Variants in AFF3 observed in about 807,000 individuals in gnomAD.
AFF3 encodes the protein AF4/FMR2 family member 3.
A neutral mutation model predicts 129.7 loss-of-function variants in AFF3; 32 were observed. The observed-to-expected ratio is 0.25, with a 90% CI of 0.19 to 0.33. The LOEUF is 0.33. AFF3 is among the 10% of genes least tolerant of loss of function. AFF3 has a pLI of 1.00. For missense variants in AFF3, 1,373 were observed against 1,592.0 expected, an observed-to-expected ratio of 0.86 and a Z score of 2.34; for synonymous variants, 644 against 635.4, an observed-to-expected ratio of 1.01 and a Z score of -0.20.
chr2:99,979,710 T>C (rs1217602595), intron 7 of AFF3, among the ~76,000 whole-genome samples: 1 of 152,136 alleles, frequency 6.6e-6, no homozygotes, highest in East Asian at 1.9e-4. Context: ...CTCAAACTCC[T>C]GGCCTCAAGC....
At chr2:100,038,052 A>ACC (rs1267491202) in intron 4 of AFF3, among the ~76,000 whole-genome samples, 7 of 151,912 alleles carry the variant, frequency 4.6e-5, no homozygotes, top group Admixed American at 2.0e-4. Context: ...TCAAATTAGA[A>ACC]AACTCTAGGC....
intron 7 of AFF3, among the ~76,000 whole-genome samples, chr2:99,955,267 C>A (rs1275947786): frequency 1.3e-5 from 2 of 152,146 alleles, no homozygotes; most frequent in African/African-American, 4.8e-5. Flanking sequence ...CAAAGCACAG[C>A]ACTCCTATTA....
intron 7 of AFF3, among the ~76,000 whole-genome samples, chr2:99,874,689 A>T (rs1192612040): frequency 6.6e-6 from 1 of 152,190 alleles, no homozygotes; most frequent in Non-Finnish European, 1.5e-5. Context: ...GGGGCATGGG[A>T]AGAGCTACAA....
chr2:99,561,749 T>C (rs1206800362), intron 20 of AFF3, among the ~76,000 whole-genome samples: 2 of 152,224 alleles, frequency 1.3e-5, no homozygotes, highest in East Asian at 3.8e-4. Flanking sequence ...ATTGTATATA[T>C]ATCTATGTGT....
At chr2:100,025,806 C>T (rs538543891) in intron 4 of AFF3, among the ~76,000 whole-genome samples, 1 of 152,198 alleles carries the variant, frequency 6.6e-6, no homozygotes, top group South Asian at 2.1e-4. Flanking sequence ...GGAAAAGACC[C>T]CCTTTTCAAC....
intron 11 of AFF3, among the ~76,000 whole-genome samples, chr2:99,684,401 G>A (rs374524175): frequency 2.0e-5 from 3 of 152,156 alleles, no homozygotes; most frequent in African/African-American, 7.2e-5. Context: ...CCTGGAAAAC[G>A]TGCTCCCAGG....
chr2:100,105,783 T>C, intron 2 of AFF3, 200 bp from the exon 3 acceptor site: 1 of 1,357,738 alleles, frequency 7.4e-7, no homozygotes, highest in South Asian at 1.2e-5. Flanking sequence ...TCCTGACCTC[T>C]TGGCCACAGC....
chr2:100,034,815 G>C (rs577286384), intron 4 of AFF3, among the ~76,000 whole-genome samples: 1 of 152,182 alleles, frequency 6.6e-6, no homozygotes, highest in East Asian at 1.9e-4. Context: ...GTTCCATCAA[G>C]GTCACTCAAG....
intron 7 of AFF3, among the ~76,000 whole-genome samples, chr2:99,844,104 A>C (rs967437087): frequency 6.6e-6 from 1 of 152,166 alleles, no homozygotes; most frequent in Non-Finnish European, 1.5e-5. Context: ...TTTTACTGAA[A>C]GATACAAAAA....
intron 10 of AFF3, among the ~76,000 whole-genome samples, chr2:99,743,233 C>T (rs1680866772): frequency 6.6e-6 from 1 of 152,194 alleles, no homozygotes; most frequent in South Asian, 2.1e-4. Context: ...CTTTCTCTAG[C>T]TGCGCATGAA....
At chr2:99,967,617 CACA>C (rs1455719501) in intron 7 of AFF3, among the ~76,000 whole-genome samples, 1 of 152,206 alleles carries the variant, frequency 6.6e-6, no homozygotes, top group Non-Finnish European at 1.5e-5. Flanking sequence ...AACTGGCAAA[CACA>C]ACAAGTAGAG....
At chr2:99,816,777 T>C (rs1267247119) in intron 8 of AFF3, among the ~76,000 whole-genome samples, 1 of 152,138 alleles carries the variant, frequency 6.6e-6, no homozygotes, top group Non-Finnish European at 1.5e-5. Context: ...CAAGTGTTCC[T>C]GAGCTTTCTC....
intron 8 of AFF3, among the ~76,000 whole-genome samples, chr2:99,806,368 T>C (rs1036307631): frequency 8.0e-4 from 121 of 152,168 alleles, no homozygotes; most frequent in African/African-American, 2.8e-3. Context: ...TCTCATGGAA[T>C]TCATGTTCCA....
At chr2:99,771,097 C>T (rs2309651) in intron 8 of AFF3, among the ~76,000 whole-genome samples, 141,447 of 152,290 alleles carry the variant, frequency 0.93, 65,774 homozygotes, top group East Asian at 1. Flanking sequence ...AACAAGATCA[C>T]GTCCTTTGCA....
At chr2:99,638,115 C>T (rs965819164) in intron 13 of AFF3, among the ~76,000 whole-genome samples, 3 of 151,658 alleles carry the variant, frequency 2.0e-5, no homozygotes, top group Non-Finnish European at 4.4e-5. Context: ...GCTCTGTTGC[C>T]TAGGCTGTAG....
intron 4 of AFF3, among the ~76,000 whole-genome samples, chr2:100,085,369 C>A (rs1451863502): frequency 6.6e-6 from 1 of 151,438 alleles, no homozygotes; most frequent in Non-Finnish European, 1.5e-5. Flanking sequence ...GCTCACCTAA[C>A]TGCACCCCTG....
intron 7 of AFF3, among the ~76,000 whole-genome samples, chr2:99,946,901 G>GT (rs1431937948): frequency 6.6e-5 from 10 of 152,142 alleles, no homozygotes; most frequent in African/African-American, 2.4e-4. Flanking sequence ...TTTCATTTGT[G>GT]TGTCACTCAA....
chr2:99,820,611 C>T (rs1026257189), intron 8 of AFF3, among the ~76,000 whole-genome samples: 2 of 150,320 alleles, frequency 1.3e-5, no homozygotes, highest in Admixed American at 6.7e-5. Context: ...GCTTGCTGCA[C>T]CATTTTTACT....
intron 7 of AFF3, among the ~76,000 whole-genome samples, chr2:99,898,970 T>C (rs1259178298): frequency 6.6e-6 from 1 of 152,134 alleles, no homozygotes; most frequent in East Asian, 1.9e-4. Context: ...GCTCCCACTC[T>C]TCCCTCAAAC....
Sources: allele counts gnomAD v4.1 joint callset (sites outside exome capture counted in the v4.1 genomes callset), GRCh38; gene constraint gnomAD v4.1.1; transcripts MANE v1.5; gene names NCBI Gene and HGNC (gene_info 2026-07-23, HGNC 2026-07-21).